The following STON2 variants were observed in gnomAD, a reference collection of about 807,000 sequenced individuals.
The protein encoded by STON2 is stonin 2, also known as stonin-2.
A neutral mutation model predicts 65.7 loss-of-function variants in STON2; 29 were observed. The observed-to-expected ratio is 0.44, with a 90% CI of 0.33 to 0.60. STON2 has a LOEUF of 0.60. Among genes scored for constraint, STON2 ranks in the 20% least tolerant of loss-of-function variants. STON2 has a pLI of 0.03. For synonymous variants in STON2, 404 were observed against 414.2 expected (o/e 0.98, Z 0.30); for missense variants, 1,054 against 1,118.1 (o/e 0.94, Z 0.82).
Position 81,277,823 on chromosome 14 carries a change from G to T in STON2, c.1659C>A (p.Ile553=), listed in dbSNP as rs755598406. Residue 553 remains isoleucine (I), a synonymous_variant, in exon 6 of 8, where the codon ATC becomes ATA. Coordinates refer to ENST00000614646, the MANE Select transcript of STON2 (RefSeq NM_001394390.1). ...TGACACGGTCTATCCGCAAGCTGTG[G>T]ATTCTGCCATTCTCATCATAGTTTT... ...RLQNYDENGR[I]HSLRIDRVTY... is the part of the protein sequence containing the mutation. 1.2e-6 allele frequency: 2 copies of T among 1,614,198 alleles called. No individual in the cohort carries two copies. The highest frequency in any genetic ancestry group is 3.3e-5 in the Admixed American group (2 of 60,022).
chr14:81,360,428 AG>A (rs1342134652), intron 4 of STON2, among the ~76,000 whole-genome samples: 2 of 152,188 alleles, frequency 1.3e-5, no homozygotes, highest in African/African-American at 4.8e-5. Flanking sequence ...AGATAAAAAA[AG>A]ATCATCTAAT....
chr14:81,389,454 C>A (rs150639466), intron 3 of STON2, among the ~76,000 whole-genome samples: 195 of 152,240 alleles, frequency 1.3e-3, no homozygotes, highest in African/African-American at 4.5e-3. Flanking sequence ...AGCTATAGCC[C>A]AAAATAGATC....
chr14:81,418,469 C>G (rs1404956690), intron 2 of STON2, among the ~76,000 whole-genome samples: 1 of 152,166 alleles, frequency 6.6e-6, no homozygotes, highest in African/African-American at 2.4e-5. Context: ...TAAAGTAGAA[C>G]AGCTGAACTG....
chr14:81,263,190 G>A lies in STON2; in HGVS notation c.*5224C>T. On this transcript the variant is annotated 3_prime_UTR_variant, in exon 8 of 8. Coordinates refer to ENST00000614646, the MANE Select transcript of STON2 (RefSeq NM_001394390.1). ...CTAAGGCTAGCTTGTCCAACCCTTG[G>A]CCCATGATGGTTTTGAATGTGGCCC... 2.0e-6 allele frequency: 2 copies of A among 984,006 alleles called. No homozygotes were observed. Among genetic ancestry groups the A allele is most frequent in the Non-Finnish European group, 2.4e-6 (2 of 828,778 alleles). The allele number at this position is 984,006 out of a possible 1,614,324, so 61.0% of individuals were successfully genotyped here. A position where few individuals can be genotyped will look rare whatever the true frequency, so the allele number is the denominator to read the frequency against.
chr14:81,305,123 C>CA (rs1277402704), intron 5 of STON2, among the ~76,000 whole-genome samples: 11 of 152,220 alleles, frequency 7.2e-5, no homozygotes, highest in Non-Finnish European at 1.6e-4. Flanking sequence ...TGTTAGTTTG[C>CA]ATTTCTGCAT....
chr14:81,264,928 C>A lies in STON2; in HGVS notation c.*3486G>T. The A allele has an allele frequency of 1.0e-6, 1 of 985,278 alleles. No individual in the cohort carries two copies. The highest frequency in any genetic ancestry group is 1.2e-6 in the Non-Finnish European group (1 of 829,904). The allele number at this position is 985,278 out of a possible 1,614,324, so 61.0% of individuals were successfully genotyped here. A position where few individuals can be genotyped will look rare whatever the true frequency, so the allele number is the denominator to read the frequency against. ...ATTTCTTATCTTTTTGCTGTAAAGT[C>A]AAAAAGCAGGCCCTAGACTCAAAAG... On this transcript the variant is annotated 3_prime_UTR_variant, in exon 8 of 8. Coordinates refer to ENST00000614646, the MANE Select transcript of STON2 (RefSeq NM_001394390.1).
At chr14:81,368,312 G>C (rs1448195012) in intron 4 of STON2, among the ~76,000 whole-genome samples, 1 of 152,174 alleles carries the variant, frequency 6.6e-6, no homozygotes, top group Non-Finnish European at 1.5e-5. Context: ...GAAATGGGGA[G>C]AATGACACCT....
At chr14:81,316,869 A>G (rs1896642309) in intron 5 of STON2, among the ~76,000 whole-genome samples, 1 of 152,086 alleles carries the variant, frequency 6.6e-6, no homozygotes, top group Admixed American at 6.5e-5. Flanking sequence ...AAATACAAAA[A>G]ATTAGCCGGG....
chr14:81,388,419 G>A (rs1899925992), intron 3 of STON2, among the ~76,000 whole-genome samples: 1 of 152,116 alleles, frequency 6.6e-6, no homozygotes, highest in Non-Finnish European at 1.5e-5. Flanking sequence ...GTTGCTCCTG[G>A]TTTTCCAATC....
chr14:81,326,647 C>T (rs963802465), intron 4 of STON2, among the ~76,000 whole-genome samples: 3 of 152,192 alleles, frequency 2.0e-5, no homozygotes, highest in African/African-American at 7.2e-5. Context: ...CTAGAAATAG[C>T]TTCCCCTGCC....
At chr14:81,318,148 G>C (rs1030250127) in intron 5 of STON2, among the ~76,000 whole-genome samples, 2 of 151,840 alleles carry the variant, frequency 1.3e-5, no homozygotes, top group African/African-American at 4.8e-5. Context: ...ATTTTTAGTA[G>C]AGACGGGGTT....
intron 5 of STON2, among the ~76,000 whole-genome samples, chr14:81,312,286 CAGAT>C (rs771713814): frequency 9.9e-5 from 15 of 152,130 alleles, no homozygotes; most frequent in Non-Finnish European, 1.6e-4. Context: ...AAGGGAACCT[CAGAT>C]AACTATGCAG....
At chr14:81,315,423 A>G (rs1896580281) in intron 5 of STON2, among the ~76,000 whole-genome samples, 1 of 152,240 alleles carries the variant, frequency 6.6e-6, no homozygotes, top group South Asian at 2.1e-4. Flanking sequence ...TTGTCTCCAA[A>G]AAGAAGCTGC....
At chr14:81,399,983 C>A (rs938594500) in intron 1 of STON2, among the ~76,000 whole-genome samples, 1 of 152,204 alleles carries the variant, frequency 6.6e-6, no homozygotes, top group African/African-American at 2.4e-5. Flanking sequence ...CCCAGGTCTT[C>A]TGCAGCCAAA....
intron 4 of STON2, among the ~76,000 whole-genome samples, chr14:81,358,950 G>T (rs1566925773): frequency 6.6e-6 from 1 of 152,106 alleles, no homozygotes; most frequent in Admixed American, 6.6e-5. Flanking sequence ...TATCGGACTT[G>T]AATACTCTAT....
chr14:81,352,266 T>A (rs1249945315), intron 4 of STON2, among the ~76,000 whole-genome samples: 1 of 152,194 alleles, frequency 6.6e-6, no homozygotes, highest in Non-Finnish European at 1.5e-5. Flanking sequence ...AAGGATATCT[T>A]AAGATATCTG....
chr14:81,268,292 A>C lies in STON2; in HGVS notation c.*122T>G. 1 of 1,222,230 alleles carries C rather than the reference A, an allele frequency of 8.2e-7. No individual in the cohort carries two copies. The highest frequency in any genetic ancestry group is 1.0e-6 in the Non-Finnish European group (1 of 959,580). 75.7% of individuals were successfully genotyped at this position (1,222,230 alleles called of 1,614,324 possible). On this transcript the variant is annotated 3_prime_UTR_variant, in exon 8 of 8. Coordinates refer to ENST00000614646, the MANE Select transcript of STON2 (RefSeq NM_001394390.1). ...AGGAAGATCTGGTATACTGTTCCCA[A>C]CATGCAGTGGCCACAGCAGGTATTG... is the stretch of plus-strand genomic sequence containing the variant.
intron 3 of STON2, among the ~76,000 whole-genome samples, chr14:81,372,193 C>T (rs1005457237): frequency 1.3e-5 from 2 of 152,130 alleles, no homozygotes; most frequent in African/African-American, 2.4e-5. Flanking sequence ...TTGAAACTTT[C>T]GAATTCTCCT....
chr14:81,409,096 T>C (rs936488431), intron 2 of STON2, among the ~76,000 whole-genome samples: 6 of 152,186 alleles, frequency 3.9e-5, no homozygotes, highest in African/African-American at 1.4e-4. Context: ...ATTCATCTAA[T>C]TTCAGAGAAG....
Sources: allele counts gnomAD v4.1 joint callset (sites outside exome capture counted in the v4.1 genomes callset), GRCh38; gene constraint gnomAD v4.1.1; transcripts MANE v1.5; gene names NCBI Gene and HGNC (gene_info 2026-07-23, HGNC 2026-07-21).